The following THEMIS variants were observed in gnomAD, a reference collection of about 807,000 sequenced individuals.
THEMIS encodes protein THEMIS.
Under a neutral mutation model 52.6 loss-of-function variants are expected in THEMIS, and 37 were observed. The ratio of observed to expected loss-of-function variants is 0.70; its 90% CI spans 0.54 to 0.93. The LOEUF (loss-of-function observed/expected upper bound fraction) is 0.93. Ranked by LOEUF, THEMIS falls within the 40% of genes least tolerant of loss-of-function variation. THEMIS has a pLI of 0.00. For missense variants in THEMIS, 808 were observed against 763.1 expected, an observed-to-expected ratio of 1.06 and a Z score of -0.69; for synonymous variants, 292 against 272.7, an observed-to-expected ratio of 1.07 and a Z score of -0.70.
chr6:127,805,729 A>G (rs1777680574), intron 4 of THEMIS, among the ~76,000 whole-genome samples: 1 of 152,262 alleles, frequency 6.6e-6, no homozygotes, highest in African/African-American at 2.4e-5. Flanking sequence ...CAATGAAAAC[A>G]TCACCGAAGA....
At chr6:127,799,707 C>G (rs571778453) in intron 4 of THEMIS, among the ~76,000 whole-genome samples, 1 of 152,212 alleles carries the variant, frequency 6.6e-6, no homozygotes, top group African/African-American at 2.4e-5. Context: ...CACACTCGAA[C>G]ATACACACGG....
At chr6:127,778,504 T>C (rs1481335138) in intron 4 of THEMIS, among the ~76,000 whole-genome samples, 1 of 152,146 alleles carries the variant, frequency 6.6e-6, no homozygotes, top group Non-Finnish European at 1.5e-5. Context: ...CCCATTTACA[T>C]TTAATGTGAT....
intron 3 of THEMIS, among the ~76,000 whole-genome samples, chr6:127,821,662 C>A (rs1778345305): frequency 6.6e-6 from 1 of 151,584 alleles, no homozygotes; most frequent in Non-Finnish European, 1.5e-5. Context: ...TAATGTGGTG[C>A]TTTTCTATAT....
At chr6:127,867,305 T>A (rs1054195906) in intron 1 of THEMIS, among the ~76,000 whole-genome samples, 1 of 152,008 alleles carries the variant, frequency 6.6e-6, no homozygotes, top group Non-Finnish European at 1.5e-5. Context: ...CTAAAATAAA[T>A]CCCCAAACAG....
chr6:127,907,961 A>AATAAC (rs1781318567), intron 1 of THEMIS, among the ~76,000 whole-genome samples: 1 of 152,090 alleles, frequency 6.6e-6, no homozygotes, highest in Admixed American at 6.6e-5. Context: ...GAATTATTTT[A>AATAAC]ATAACCTTGA....
At chr6:127,846,382 C>T (rs890063480) in intron 2 of THEMIS, among the ~76,000 whole-genome samples, 6 of 151,628 alleles carry the variant, frequency 4.0e-5, no homozygotes, top group African/African-American at 1.5e-4. Flanking sequence ...AGAAGCTGTT[C>T]CTGCAGAGTG....
chr6:127,818,264 T>C (rs899127933), intron 3 of THEMIS, among the ~76,000 whole-genome samples: 3 of 152,110 alleles, frequency 2.0e-5, no homozygotes, highest in Non-Finnish European at 2.9e-5. Flanking sequence ...AGACACAGGC[T>C]CACTAATAAC....
At chr6:127,889,603 G>GA (rs1439252942) in intron 1 of THEMIS, among the ~76,000 whole-genome samples, 1 of 152,008 alleles carries the variant, frequency 6.6e-6, no homozygotes, top group Non-Finnish European at 1.5e-5. Context: ...AAACAAATAA[G>GA]AAAACTAAAC....
intron 4 of THEMIS, among the ~76,000 whole-genome samples, chr6:127,785,946 T>C: frequency 6.6e-6 from 1 of 152,106 alleles, no homozygotes; most frequent in East Asian, 1.9e-4. Flanking sequence ...TTTGCTGACA[T>C]TTAAGGCACT....
intron 3 of THEMIS, among the ~76,000 whole-genome samples, chr6:127,826,701 G>A (rs1778518984): frequency 6.6e-6 from 1 of 152,018 alleles, no homozygotes; most frequent in Non-Finnish European, 1.5e-5. Flanking sequence ...CAAATATTAT[G>A]TATTCCATTT....
At chr6:127,719,579 C>A (rs1336093738) in intron 5 of THEMIS, 109 bp downstream of exon 5, 1 of 1,024,574 alleles carries the variant, frequency 9.8e-7, no homozygotes. Context: ...ATCACTTGGG[C>A]TGAGTCATAT....
chr6:127,884,637 A>G (rs1287322560), intron 1 of THEMIS, among the ~76,000 whole-genome samples: 1 of 152,066 alleles, frequency 6.6e-6, no homozygotes, highest in Non-Finnish European at 1.5e-5. Flanking sequence ...TTTCTCATAC[A>G]CTTCTAGTAA....
chr6:127,779,514 C>T (rs1776675243), intron 4 of THEMIS, among the ~76,000 whole-genome samples: 3 of 152,098 alleles, frequency 2.0e-5, no homozygotes, highest in Admixed American at 1.3e-4. Context: ...TTATTTTGCT[C>T]ATTCATTTAC....
chr6:127,836,669 C>G (rs1302464688), intron 2 of THEMIS, among the ~76,000 whole-genome samples: 2 of 152,144 alleles, frequency 1.3e-5, no homozygotes, highest in African/African-American at 4.8e-5. Context: ...TAAAAAGGAG[C>G]ATTTTCTCTC....
At chr6:127,893,992 A>G (rs1340863926) in intron 1 of THEMIS, among the ~76,000 whole-genome samples, 2 of 152,114 alleles carry the variant, frequency 1.3e-5, no homozygotes, top group African/African-American at 4.8e-5. Flanking sequence ...AAAAAGGATA[A>G]TAATACAGTA....
chr6:127,864,788 G>C (rs1158672806), intron 1 of THEMIS, among the ~76,000 whole-genome samples: 1 of 152,054 alleles, frequency 6.6e-6, no homozygotes, highest in Non-Finnish European at 1.5e-5. Flanking sequence ...TGTATCAAAG[G>C]TCCGCATATC....
downstream of THEMIS, among the ~76,000 whole-genome samples, chr6:127,707,689 C>A (rs1773832327): frequency 6.6e-6 from 1 of 152,106 alleles, no homozygotes; most frequent in Non-Finnish European, 1.5e-5. Context: ...CTAATTCTGA[C>A]TCTCCCCAGC....
intron 1 of THEMIS, among the ~76,000 whole-genome samples, chr6:127,915,586 A>AAGAGAGAGAGAGAGAGAGAG (rs34353449): frequency 6.4e-5 from 9 of 140,326 alleles, no homozygotes; most frequent in African/African-American, 2.4e-4. Flanking sequence ...GTCAGAGAGA[A>AAGAGAGAGAGAGAGAGAGAG]AGAGAGAGAG....
At chr6:127,895,590 C>T (rs1000153243) in intron 1 of THEMIS, among the ~76,000 whole-genome samples, 2 of 151,352 alleles carry the variant, frequency 1.3e-5, no homozygotes, top group Non-Finnish European at 3.0e-5. Flanking sequence ...GCCTAGGATA[C>T]ATAAGAACTC....
Sources: allele counts gnomAD v4.1 joint callset (sites outside exome capture counted in the v4.1 genomes callset), GRCh38; gene constraint gnomAD v4.1.1; transcripts MANE v1.5; gene names NCBI Gene and HGNC (gene_info 2026-07-23, HGNC 2026-07-21).